The following GTPBP1 variants were observed in gnomAD, a reference collection of about 807,000 sequenced individuals.
GTPBP1 encodes GTP-binding protein 1.
A neutral mutation model predicts 62.0 loss-of-function variants in GTPBP1; 23 were observed. The observed-to-expected ratio is 0.37, with a 90% CI of 0.27 to 0.53. The LOEUF (loss-of-function observed/expected upper bound fraction) is 0.53, where lower values mean the gene tolerates loss of function less well. GTPBP1 is among the 20% of genes least tolerant of loss of function. The probability of loss-of-function intolerance (pLI) is 0.89; values close to 1 mark genes in which losing one functional copy is unlikely to be tolerated. For missense variants in GTPBP1, 640 were observed against 917.3 expected (o/e 0.70, Z 3.90); for synonymous variants, 344 against 364.4 (o/e 0.94, Z 0.64).
At chr22:38,742,850 T>A, downstream of GTPBP1, 1 of 356,166 alleles carries the variant, frequency 2.8e-6, no homozygotes, top group Non-Finnish European at 5.2e-6. Flanking sequence ...AAGGTCTGAG[T>A]GCAGGGATGG....
chr22:38,740,909 C>A, downstream of GTPBP1: 1 of 1,319,386 alleles, frequency 7.6e-7, no homozygotes, highest in South Asian at 1.3e-5. The surrounding 1 kb of genome is among the most constrained non-coding windows in gnomAD (Gnocchi z 4.8). Flanking sequence ...GCAAGATGAT[C>A]AGAACTCTCT....
In GTPBP1 at chr22:38,716,187, G is replaced by C; in HGVS notation, c.485+100G>C. Reference sequence around the variant, plus strand: ...TGTCAGCTCCATCCTTTCCCCTCCTGAGGCGGGGAAAGAGTGTCCAGGTGT... The same window carrying C: ...TGTCAGCTCCATCCTTTCCCCTCCTCAGGCGGGGAAAGAGTGTCCAGGTGT... On this transcript the variant is annotated intron_variant, in intron 3 of 11. Transcript: ENST00000216044. This position sits in a 1 kb window ranked among gnomAD's most constrained non-coding sequence, Gnocchi z 5.2. 14 of 967,368 alleles carry C rather than the reference G, an allele frequency of 1.4e-5. No homozygotes were observed. Among genetic ancestry groups the C allele is most frequent in the South Asian group, 4.3e-5 (3 of 69,956 alleles). 59.9% of individuals were successfully genotyped at this position (967,368 alleles called of 1,614,324 possible).
At chr22:38,715,829 G>A (rs186679706) in intron 2 of GTPBP1, 78 bp from the exon 3 acceptor site, 15 of 1,222,654 alleles carry the variant, frequency 1.2e-5, no homozygotes, top group Non-Finnish European at 1.6e-5. Context: ...TTTGTTAGGT[G>A]GGGTTCCTGG....
chr22:38,741,373 G>GCACT (rs2145968599), downstream of GTPBP1: 4 of 1,023,096 alleles, frequency 3.9e-6, no homozygotes, highest in South Asian at 5.6e-5. Flanking sequence ...TCAGAGGAGG[G>GCACT]CACTCCCCTC....
chr22:38,737,231 C>T (rs1288733008), downstream of GTPBP1, among the ~76,000 whole-genome samples: 1 of 152,120 alleles, frequency 6.6e-6, no homozygotes, highest in Non-Finnish European at 1.5e-5. The surrounding 1 kb of genome is among the most constrained non-coding windows in gnomAD (Gnocchi z 4.1). Flanking sequence ...TTCTTTCTGG[C>T]TCCCCCGACA....
intron 2 of GTPBP1, among the ~76,000 whole-genome samples, chr22:38,714,525 C>T (rs577875188): frequency 1.3e-5 from 2 of 149,974 alleles, no homozygotes; most frequent in Non-Finnish European, 3.0e-5. Flanking sequence ...GTGACAACTG[C>T]GGTTTCTTCT....
chr22:38,732,741 G>A lies in GTPBP1; in HGVS notation c.*2037G>A, dbSNP rs2092767683. The A allele has an allele frequency of 6.6e-6, 1 of 152,450 alleles. No individual in the cohort carries two copies. The highest frequency in any genetic ancestry group is 2.4e-5 in the African/African-American group (1 of 41,464). 9.4% of individuals were successfully genotyped at this position (152,450 alleles called of 1,614,324 possible). A position where few individuals can be genotyped will look rare whatever the true frequency, so the allele number is the denominator to read the frequency against. ...GAGACGGAGTCTCGCTGTGTTGCCA[G>A]GCTGGAGTGCAGTGGTGTGATCTCT... On this transcript the variant is annotated 3_prime_UTR_variant, in exon 12 of 12. Coordinates refer to ENST00000216044, the MANE Select transcript of GTPBP1 (RefSeq NM_004286.5).
chr22:38,738,945 G>A, downstream of GTPBP1: 1 of 1,613,626 alleles, frequency 6.2e-7, no homozygotes, highest in Non-Finnish European at 8.5e-7. The surrounding 1 kb of genome is among the most constrained non-coding windows in gnomAD (Gnocchi z 6.6). Context: ...GGGCCGTCTT[G>A]GTCTCGTAGG....
At chr22:38,710,400 A>C (rs888990647) in intron 2 of GTPBP1, among the ~76,000 whole-genome samples, 1 of 152,230 alleles carries the variant, frequency 6.6e-6, no homozygotes, top group Non-Finnish European at 1.5e-5. Context: ...ATAAAGAAGA[A>C]GGATTTGCTC....
rs2092751800 is a variant in GTPBP1, at chr22:38,730,523, G to A, written c.1918-89G>A. On this transcript the variant is annotated intron_variant, in intron 11 of 11. Transcript: ENST00000216044. This position sits in a 1 kb window ranked among gnomAD's most constrained non-coding sequence, Gnocchi z 5.6. ...CACGCAGCCTGCTCACGCATCTTCC[G>A]TCCCTGTCTCCCCGCTGCTCAGCAC... is the stretch of plus-strand genomic sequence containing the variant. 6 of 903,274 alleles carry A rather than the reference G, an allele frequency of 6.6e-6. No individual in the cohort carries two copies. The South Asian group carries it at 6.8e-5, about 10-fold the overall frequency. 56.0% of individuals were successfully genotyped at this position (903,274 alleles called of 1,614,324 possible). A position where few individuals can be genotyped will look rare whatever the true frequency, so the allele number is the denominator to read the frequency against.
chr22:38,715,904 C>T lies in GTPBP1; in HGVS notation c.305-3C>T, dbSNP rs1327070077. 1.2e-6 allele frequency: 2 copies of T among 1,600,778 alleles called. No individual in the cohort carries two copies. Among genetic ancestry groups the T allele is most frequent in the Admixed American group, 1.8e-5 (1 of 57,104 alleles). Reference sequence around the variant, plus strand: ...CTGCTGATGTCTGGGCTCTTGTCACCAGATGGGACTGAGTATGGGCTGAGT... The same window carrying T: ...CTGCTGATGTCTGGGCTCTTGTCACTAGATGGGACTGAGTATGGGCTGAGT... On this transcript the variant is annotated splice_region_variant and splice_polypyrimidine_tract_variant and intron_variant, in intron 2 of 11. Coordinates refer to ENST00000216044, the MANE Select transcript of GTPBP1 (RefSeq NM_004286.5).
chr22:38,722,824 G>A (rs2092707555), intron 5 of GTPBP1: 1 of 1,580,484 alleles, frequency 6.3e-7, no homozygotes, highest in Non-Finnish European at 8.7e-7. Context: ...CAGTTTGCTG[G>A]GCAGACTTCT....
At chr22:38,740,920 G>C, downstream of GTPBP1, 1 of 1,374,924 alleles carries the variant, frequency 7.3e-7, no homozygotes, top group Admixed American at 2.0e-5. This position sits in a 1 kb window ranked among gnomAD's most constrained non-coding sequence, Gnocchi z 4.8. Flanking sequence ...AGAACTCTCT[G>C]CTCTGCGGCT....
At position 38,717,002 on chromosome 22, in the gene GTPBP1, TGAGTGGGAGGCGCCCCAAG is replaced by T; in HGVS notation, c.834+6_834+24del. On this transcript the variant is annotated splice_donor_5th_base_variant and intron_variant, in intron 4 of 11. Coordinates refer to ENST00000216044, the MANE Select transcript of GTPBP1 (RefSeq NM_004286.5). ...CTGCCTGACTTCTGCATGCTCATGG[TGAGTGGGAGGCGCCCCAAG>T]GAGGGGAGGCGTCAGCAGGGCTGCT... 6.3e-7 allele frequency: 1 copy of T among 1,591,790 alleles called. No individual in the cohort carries two copies. The highest frequency in any genetic ancestry group is 8.6e-7 in the Non-Finnish European group (1 of 1,161,160).
At chr22:38,718,504 T>C (rs1275550981) in intron 4 of GTPBP1, among the ~76,000 whole-genome samples, 1 of 152,222 alleles carries the variant, frequency 6.6e-6, no homozygotes, top group Non-Finnish European at 1.5e-5. Context: ...TAGAGCACTC[T>C]CTTCTCCAGG....
chr22:38,738,569 C>A (rs2092827401), downstream of GTPBP1: 1 of 1,608,782 alleles, frequency 6.2e-7, no homozygotes, highest in African/African-American at 1.3e-5. The surrounding 1 kb of genome is among the most constrained non-coding windows in gnomAD (Gnocchi z 6.6). Context: ...CTGGCCCCAC[C>A]ACAGGACAGA....
downstream of GTPBP1, chr22:38,740,917 T>C (rs993462349): frequency 7.3e-7 from 1 of 1,370,448 alleles, no homozygotes; most frequent in South Asian, 1.2e-5. This position sits in a 1 kb window ranked among gnomAD's most constrained non-coding sequence, Gnocchi z 4.8. Flanking sequence ...ATCAGAACTC[T>C]CTGCTCTGCG....
intron 2 of GTPBP1, among the ~76,000 whole-genome samples, chr22:38,710,772 T>G (rs1216889867): frequency 6.6e-6 from 1 of 152,184 alleles, no homozygotes; most frequent in African/African-American, 2.4e-5. Context: ...TAGGTCAATT[T>G]TGACAAGTGT....
intron 1 of GTPBP1, chr22:38,706,549 G>A (rs62228763): frequency 0.063 from 10,491 of 165,466 alleles, 730 homozygotes; most frequent in African/African-American, 0.17. Flanking sequence ...TCCTCTCCCT[G>A]GACCGCGCGG....
Sources: gnomAD v4.1 joint callset for allele counts (sites outside exome capture counted in the v4.1 genomes callset) on GRCh38, gnomAD v4.1.1 for gene constraint, Gnocchi (gnomAD v3.1) non-coding constraint, MANE v1.5 for transcripts, NCBI Gene and HGNC (gene_info 2026-07-23, HGNC 2026-07-21) for gene names.